CCDC183: variants seen among roughly 807,000 people sequenced by gnomAD.
CCDC183 encodes the protein coiled-coil domain containing 183, also known as coiled-coil domain-containing protein 183.
A neutral mutation model predicts 65.2 loss-of-function variants in CCDC183; 63 were observed. The ratio of observed to expected loss-of-function variants is 0.97; its 90% CI spans 0.79 to 1.19. The LOEUF (loss-of-function observed/expected upper bound fraction) is 1.19. Ranked by LOEUF, CCDC183 falls within the 50% of genes most tolerant of loss-of-function variation. CCDC183 has a pLI of 0.00. For synonymous variants in CCDC183, 323 were observed against 276.5 expected (o/e 1.17, Z -1.67); for missense variants, 769 against 689.3 (o/e 1.12, Z -1.30).
chr9:136,797,416 G>A (rs1241371417), intron 1 of CCDC183, among the ~76,000 whole-genome samples: 1 of 150,806 alleles, frequency 6.6e-6, no homozygotes, highest in Non-Finnish European at 1.5e-5. Context: ...TGGGCCCACT[G>A]TTCTTTCTCT....
chr9:136,799,520 A>AC (rs1026518914), intron 2 of CCDC183, 193 bp from the exon 3 acceptor site: 1 of 665,996 alleles, frequency 1.5e-6, no homozygotes, highest in Non-Finnish European at 2.5e-6. Flanking sequence ...TCCTCTGCAT[A>AC]CCCCCCTACC....
rs774170451 is a variant in CCDC183, at chr9:136,806,612, C to T, written c.1218C>T (p.Ile406=). Residue 406 remains isoleucine (I), a synonymous_variant, in exon 11 of 14, where the codon ATC becomes ATT. Coordinates refer to ENST00000338005, the MANE Select transcript of CCDC183 (RefSeq NM_001039374.5). ...AGGGCCAGGAGCTGCTGCTGACCAT[C>T]CAGATGGGCATCGACAACCTCTATG... ...MTKGQELLLT[I]QMGIDNLYVR... 6.2e-7 allele frequency: 1 copy of T among 1,613,784 alleles called. No homozygotes were observed. The highest frequency in any genetic ancestry group is 2.2e-5 in the East Asian group (1 of 44,888).
chr9:136,802,857 G>T (rs1236155651), intron 6 of CCDC183, 71 bp downstream of exon 6: 116 of 528,040 alleles, frequency 2.2e-4, no homozygotes, highest in Non-Finnish European at 2.8e-4. Context: ...GGGTCAAGGT[G>T]AGCTCAGGGC....
chr9:136,807,122 G>A, intron 13 of CCDC183, 56 bp downstream of exon 13: 1 of 1,548,584 alleles, frequency 6.5e-7, no homozygotes, highest in Non-Finnish European at 8.9e-7. Context: ...AACACAGGTC[G>A]GGGTGGCGCC....
Position 136,806,185 on chromosome 9 carries a change from G to C in CCDC183, c.1056G>C (p.Gln352His). The stretch of plus-strand genomic sequence containing the variant: ...TGCAGCTGAAGGCCCTGGTGAAGCA[G>C]CTGGAGCTGGAGGAGGCCGTGCTCA... ...WRVQLKALVK[Q>H]LELEEAVLKF... The change falls in exon 10 of 14, where the codon CAG (glutamine) becomes CAC (histidine). Residue 352 changes from glutamine to histidine, a missense_variant. Coordinates refer to ENST00000338005, the MANE Select transcript of CCDC183 (RefSeq NM_001039374.5). 1 of 1,565,420 alleles carries C rather than the reference G, an allele frequency of 6.4e-7. No homozygotes were observed. The highest frequency in any genetic ancestry group is 1.9e-5 in the Admixed American group (1 of 53,286).
At position 136,804,853 on chromosome 9, in the gene CCDC183, TC is replaced by T. The variant is rs755438072; in HGVS notation, c.847+40del. The T allele has an allele frequency of 5.0e-5, 80 of 1,587,422 alleles. No homozygotes were observed. The highest frequency in any genetic ancestry group is 6.6e-5 in the Non-Finnish European group (76 of 1,156,932). ...GCTCCCCACCTGCCCCCAGCCAGGG[TC>T]CCAAGGAGAGGCTGGCACTGATTCA... is the stretch of plus-strand genomic sequence containing the variant. On this transcript the variant is annotated intron_variant, in intron 8 of 13. Coordinates refer to ENST00000338005, the MANE Select transcript of CCDC183 (RefSeq NM_001039374.5). This position sits in a 1 kb window ranked among gnomAD's most constrained non-coding sequence, Gnocchi z 4.1.
chr9:136,799,610 G>A, intron 2 of CCDC183, 103 bp from the exon 3 acceptor site: 1 of 989,392 alleles, frequency 1.0e-6, no homozygotes, highest in Non-Finnish European at 1.5e-6. Context: ...CTCGCTACTG[G>A]GCTAGCGTGG....
chr9:136,806,718 G>A, intron 11 of CCDC183, 39 bp from the exon 12 acceptor site: 1 of 1,613,358 alleles, frequency 6.2e-7, no homozygotes, highest in South Asian at 1.1e-5. Context: ...TCCCTGGGCA[G>A]GGCCAGAGGG....
rs545299868 is a variant in CCDC183 at position 136,799,015 on chromosome 9, C to T, written c.71-87C>T. 8.0e-5 allele frequency: 121 copies of T among 1,506,740 alleles called. No homozygotes were observed. The African/African-American group carries it at 1.1e-3, about 14-fold the overall frequency. The allele number at this position is 1,506,740 out of a possible 1,614,324, so 93.3% of individuals were successfully genotyped here. ...TCCCCCTGGACCCTGGGGCCTGGGGCCTCCCTGATGCAAGCCTCCCCCAGG... is the reference window on the plus strand; with the variant it reads ...TCCCCCTGGACCCTGGGGCCTGGGGTCTCCCTGATGCAAGCCTCCCCCAGG... On this transcript the variant is annotated intron_variant, in intron 1 of 13. Transcript: ENST00000338005.
rs56091528 is a variant in CCDC183 at position 136,807,035 on chromosome 9, C to T, written c.1455C>T (p.Ile485=). ...TGATGGAGAAGTACAACACCAGGAT[C>T]AGCTTTGAGAACCGGGAGGAGGATA... is the stretch of plus-strand genomic sequence containing the variant. ...STLMEKYNTR[I]SFENREEDMI... Residue 485 remains isoleucine, a synonymous_variant, in exon 13 of 14, where the codon ATC becomes ATT. Transcript: ENST00000338005. The T allele has an allele frequency of 1.8e-3, 2,928 of 1,613,484 alleles. 45 individuals are homozygous for T. The African/African-American group carries it at 0.033, about 18-fold the overall frequency.
chr9:136,799,609 G>T, intron 2 of CCDC183, 104 bp from the exon 3 acceptor site: 1 of 979,788 alleles, frequency 1.0e-6, no homozygotes. Context: ...TCTCGCTACT[G>T]GGCTAGCGTG....
chr9:136,799,007 G>T, intron 1 of CCDC183, 95 bp from the exon 2 acceptor site: 1 of 925,668 alleles, frequency 1.1e-6, no homozygotes, highest in Non-Finnish European at 1.4e-6. Flanking sequence ...GGACCCTGGG[G>T]CCTGGGGCCT....
At chr9:136,805,535 C>T in intron 9 of CCDC183, 78 bp downstream of exon 9, 1 of 1,323,060 alleles carries the variant, frequency 7.6e-7, no homozygotes, top group Non-Finnish European at 1.1e-6. Context: ...CCCTGGCACT[C>T]CCGGAGCATG....
At position 136,805,427 on chromosome 9, in the gene CCDC183, C is replaced by T. The variant is rs748103938; in HGVS notation, c.918C>T (p.Val306=). ...GCGTGACTGCTGTGGTGGAGAAGGT[C>T]AAGAGTGCTGTACGGTGCTCTCACG... ...QSGVTAVVEK[V]KSAVRCSHVW... The change falls in exon 9 of 14, where the codon GTC becomes GTT. Residue 306 remains valine, a synonymous_variant. Transcript: ENST00000338005. 6.2e-7 allele frequency: 1 copy of T among 1,614,016 alleles called. No individual in the cohort carries two copies. The highest frequency in any genetic ancestry group is 8.5e-7 in the Non-Finnish European group (1 of 1,179,986).
chr9:136,801,687 TAGAGTGAG>T (rs1390936983), intron 5 of CCDC183, among the ~76,000 whole-genome samples: 1 of 152,088 alleles, frequency 6.6e-6, no homozygotes, highest in African/African-American at 2.4e-5. Context: ...GCCTGGGTGA[TAGAGTGAG>T]ATTCAGTCTC....
At chr9:136,807,177 A>G in intron 13 of CCDC183, 111 bp downstream of exon 13, 1 of 939,006 alleles carries the variant, frequency 1.1e-6, no homozygotes, top group Non-Finnish European at 1.7e-6. Flanking sequence ...GCGGGGCTAC[A>G]GGGTGCATCA....
intron 11 of CCDC183, 41 bp downstream of exon 11, chr9:136,806,713 G>A: frequency 6.2e-7 from 1 of 1,613,324 alleles, no homozygotes; most frequent in South Asian, 1.1e-5. Flanking sequence ...CCAGGTCCCT[G>A]GGCAGGGCCA....
chr9:136,803,186 G>A (rs1261123358), intron 6 of CCDC183, among the ~76,000 whole-genome samples: 21 of 40,694 alleles, frequency 5.2e-4, no homozygotes, highest in African/African-American at 1.1e-3. Context: ...TCTTCGGATG[G>A]GGTCAAGGTG....
rs199902918 is a variant in CCDC183 at position 136,806,238 on chromosome 9, G to A, written c.1109G>A (p.Ser370Asn). Residue 370 changes from serine (S) to asparagine (N), a missense_variant and splice_region_variant, in exon 10 of 14, where the codon AGC becomes AAC. By Grantham distance (46) the Ser-to-Asn change is conservative. Transcript: ENST00000338005. The stretch of plus-strand genomic sequence containing the variant: ...TTCCGCCAGAAGCCTAGCTCCATCA[G>A]GTGCCCCGGGCTTCCGGGGCTGCGG... ...LKFRQKPSSISFKSVEKKMTD... is the reference protein window; with the variant it reads ...LKFRQKPSSINFKSVEKKMTD... 1.3e-4 allele frequency: 203 copies of A among 1,589,664 alleles called. 1 individual carries two copies. The highest frequency in any genetic ancestry group is 1.2e-4 in the Non-Finnish European group (135 of 1,168,128).
Sources: gnomAD v4.1 joint callset for allele counts (sites outside exome capture counted in the v4.1 genomes callset) on GRCh38, gnomAD v4.1.1 for gene constraint, Gnocchi (gnomAD v3.1) non-coding constraint, MANE v1.5 for transcripts, NCBI Gene and HGNC (gene_info 2026-07-23, HGNC 2026-07-21) for gene names.